The following C3orf20 variants were observed in gnomAD, a reference collection of about 807,000 sequenced individuals.
The protein encoded by C3orf20 is family with sequence similarity 149 member C.
In C3orf20, 76 loss-of-function variants were observed where a neutral mutation model predicts 88.3. The ratio of observed to expected loss-of-function variants is 0.86; its 90% CI spans 0.72 to 1.04. C3orf20 has a LOEUF of 1.04. Ranked by LOEUF, C3orf20 falls within the 50% of genes least tolerant of loss-of-function variation. C3orf20 has a pLI of 0.00. For synonymous variants in C3orf20, 436 were observed against 437.4 expected (o/e 1.00, Z 0.04); for missense variants, 1,056 against 1,123.3 (o/e 0.94, Z 0.86).
In C3orf20 at chr3:14,686,054, G is replaced by A. The variant is rs138749428; in HGVS notation, c.625+1672G>A. 3.8e-3 allele frequency among the ~76,000 whole-genome samples: 582 copies of A among 152,062 alleles called. 2 individuals carry two copies. Among genetic ancestry groups the A allele is most frequent in the Non-Finnish European group, 6.8e-3 (464 of 67,952 alleles). On this transcript the variant is annotated intron_variant, in intron 4 of 16. Transcript: ENST00000253697. ...TTTTTGTATTTTTAGTAGAGACGGGGTTTCACCATGTTGGCCAGGATGGTC... is the reference window on the plus strand; with the variant it reads ...TTTTTGTATTTTTAGTAGAGACGGGATTTCACCATGTTGGCCAGGATGGTC...
chr3:14,723,416 A>G (rs967228838), intron 10 of C3orf20, among the ~76,000 whole-genome samples: 6 of 152,268 alleles, frequency 3.9e-5, no homozygotes, highest in Non-Finnish European at 4.4e-5. Context: ...AATTCAATAA[A>G]CATTTATTAG....
chr3:14,695,107 T>G (rs1235643564), intron 5 of C3orf20, among the ~76,000 whole-genome samples: 2 of 152,178 alleles, frequency 1.3e-5, no homozygotes. Context: ...TTTTCTTCTT[T>G]TTGATGTAGG....
intron 10 of C3orf20, among the ~76,000 whole-genome samples, chr3:14,726,693 A>G (rs1222232025): frequency 2.6e-5 from 4 of 152,106 alleles, no homozygotes; most frequent in Admixed American, 2.0e-4. Flanking sequence ...AATCAAGGAA[A>G]ACCCTCCGAG....
chr3:14,689,278 T>C (rs1444447835), intron 4 of C3orf20, among the ~76,000 whole-genome samples: 2 of 152,216 alleles, frequency 1.3e-5, no homozygotes, highest in Admixed American at 1.3e-4. Flanking sequence ...ATTACTTTTG[T>C]GTTTTATCAT....
chr3:14,703,003 G>T (rs115905393), intron 5 of C3orf20, 127 bp from the exon 6 acceptor site: 8 of 1,170,090 alleles, frequency 6.8e-6, no homozygotes, highest in Non-Finnish European at 9.7e-6. Flanking sequence ...AAAATCCAGC[G>T]GGACAAATTT....
At position 14,704,410 on chromosome 3, in the gene C3orf20, A is replaced by G. The variant is rs764197817; in HGVS notation, c.952A>G (p.Met318Val). Reference protein sequence around the residue: ...PMILRNYKAKMPSHLMLARKG... With the variant: ...PMILRNYKAKVPSHLMLARKG... Reference sequence around the variant, plus strand: ...GATCTTACGAAACTACAAGGCAAAGATGCCCTCTCATCTAATGTTGGCCCG... The same window carrying G: ...GATCTTACGAAACTACAAGGCAAAGGTGCCCTCTCATCTAATGTTGGCCCG... The change falls in exon 7 of 17, where the codon ATG becomes GTG. Residue 318 changes from methionine (M) to valine (V), a missense_variant. Transcript: ENST00000253697. The G allele has an allele frequency of 6.2e-7, 1 of 1,613,994 alleles. No individual in the cohort carries two copies. Among genetic ancestry groups the G allele is most frequent in the Admixed American group, 1.7e-5 (1 of 60,004 alleles).
chr3:14,724,088 G>A (rs903066218), intron 10 of C3orf20, among the ~76,000 whole-genome samples: 2 of 151,984 alleles, frequency 1.3e-5, no homozygotes, highest in Non-Finnish European at 2.9e-5. Context: ...CAAAGTGCTG[G>A]GATTACAGGC....
chr3:14,736,450 C>G (rs1343492787), intron 12 of C3orf20, among the ~76,000 whole-genome samples: 1 of 152,086 alleles, frequency 6.6e-6, no homozygotes, highest in East Asian at 1.9e-4. Context: ...GCCACCATAC[C>G]TGGCTAATTT....
At chr3:14,682,404 G>A (rs2032139492) in intron 2 of C3orf20, 73 bp downstream of exon 2, 2 of 333,072 alleles carry the variant, frequency 6.0e-6, no homozygotes, top group East Asian at 1.2e-4. Flanking sequence ...TACCCAGTTT[G>A]TGTGACTGTC....
At chr3:14,676,245 C>T (rs1340961527) in intron 1 of C3orf20, among the ~76,000 whole-genome samples, 1 of 151,922 alleles carries the variant, frequency 6.6e-6, no homozygotes, top group Admixed American at 6.6e-5. Context: ...CAAGAGTGGA[C>T]CTTGCTCCCA....
chr3:14,750,571 AAT>A (rs1421560128), intron 12 of C3orf20, among the ~76,000 whole-genome samples: 1 of 151,064 alleles, frequency 6.6e-6, no homozygotes, highest in Non-Finnish European at 1.5e-5. Context: ...AAAAAAAAAA[AAT>A]TCTAGGCTGA....
intron 4 of C3orf20, among the ~76,000 whole-genome samples, chr3:14,685,508 G>C (rs1011562165): frequency 6.6e-6 from 1 of 150,954 alleles, no homozygotes; most frequent in Non-Finnish European, 1.5e-5. Context: ...GTGTGTGTGT[G>C]TGTATGTGTG....
At chr3:14,677,191 C>A (rs1215521811) in intron 1 of C3orf20, among the ~76,000 whole-genome samples, 1 of 152,162 alleles carries the variant, frequency 6.6e-6, no homozygotes, top group Non-Finnish European at 1.5e-5. Flanking sequence ...GACCAGATAA[C>A]CTGAGGAGGC....
intron 14 of C3orf20, among the ~76,000 whole-genome samples, chr3:14,760,645 T>A (rs924827203): frequency 7.2e-6 from 1 of 138,586 alleles, no homozygotes; most frequent in African/African-American, 2.6e-5. Flanking sequence ...AGTCTCACTC[T>A]CTCACCCAGG....
Position 14,702,769 on chromosome 3 carries a change from C to T in C3orf20, c.746-361C>T, listed in dbSNP as rs980704719. On this transcript the variant is annotated intron_variant, in intron 5 of 16. Transcript: ENST00000253697. ...TCCTCACATTTCAAAAGCAATCATG[C>T]GTTCCCAACAGTCCCCCAAAGTCTT... is the stretch of plus-strand genomic sequence containing the variant. Among the ~76,000 whole-genome samples the T allele has an allele frequency of 4.6e-5, 7 of 152,166 alleles. 1 individual carries two copies. In the South Asian group the frequency reaches 6.2e-4, roughly 14 times the overall value.
At chr3:14,757,892 G>GGGGACT (rs1410373916) in intron 13 of C3orf20, among the ~76,000 whole-genome samples, 1 of 152,310 alleles carries the variant, frequency 6.6e-6, no homozygotes, top group East Asian at 1.9e-4. Flanking sequence ...TAGTTCTAAG[G>GGGGACT]TGAATGTCAC....
rs201101038 is a variant in C3orf20 at position 14,728,431 on chromosome 3, G to A, written c.1691-8G>A. ...AGGGAAAATGACAGCAGCATCTTCT[G>A]TTAACAGGTCTGTTTACCATTGAAT... On this transcript the variant is annotated splice_polypyrimidine_tract_variant and splice_region_variant and intron_variant, in intron 11 of 16. Coordinates refer to ENST00000253697, the MANE Select transcript of C3orf20 (RefSeq NM_032137.5). 328 of 1,613,930 alleles carry A rather than the reference G, an allele frequency of 2.0e-4. 2 individuals are homozygous for A. In the East Asian group the frequency reaches 3.3e-3, roughly 16 times the overall value.
intron 12 of C3orf20, among the ~76,000 whole-genome samples, 167 bp downstream of exon 12, chr3:14,728,855 G>A (rs140750028): frequency 1.5e-4 from 23 of 152,302 alleles, no homozygotes; most frequent in African/African-American, 4.1e-4. Flanking sequence ...TTTAGGCAGC[G>A]ATAAGGACTA....
At chr3:14,751,640 A>T (rs989863430) in intron 12 of C3orf20, among the ~76,000 whole-genome samples, 1 of 152,242 alleles carries the variant, frequency 6.6e-6, no homozygotes, top group Non-Finnish European at 1.5e-5. Context: ...AAGTCTCAGG[A>T]TACAAAATCA....
Sources: gnomAD v4.1 joint callset for allele counts (sites outside exome capture counted in the v4.1 genomes callset) on GRCh38, gnomAD v4.1.1 for gene constraint, MANE v1.5 for transcripts, NCBI Gene and HGNC (gene_info 2026-07-23, HGNC 2026-07-21) for gene names.